Variants in EPB41L5 observed in about 807,000 individuals in gnomAD.
EPB41L5 encodes the protein erythrocyte membrane protein band 4.1 like 5.
In EPB41L5, 55 loss-of-function variants were observed where a neutral mutation model predicts 106.6. The ratio of observed to expected loss-of-function variants is 0.52; its 90% CI spans 0.42 to 0.65. EPB41L5 has a LOEUF of 0.65. EPB41L5 is among the 30% of genes least tolerant of loss of function. EPB41L5 has a pLI of 0.00. For missense variants in EPB41L5, 871 were observed against 882.1 expected (o/e 0.99, Z 0.16); for synonymous variants, 297 against 306.7 (o/e 0.97, Z 0.33).
intron 10 of EPB41L5, among the ~76,000 whole-genome samples, chr2:120,079,681 T>C (rs1682508110): frequency 6.6e-6 from 1 of 152,216 alleles, no homozygotes; most frequent in African/African-American, 2.4e-5. Context: ...TCTTTTTAGC[T>C]ATTTGTTTTT....
intron 1 of EPB41L5, among the ~76,000 whole-genome samples, chr2:120,017,243 C>G (rs1677585768): frequency 6.6e-6 from 1 of 152,164 alleles, no homozygotes; most frequent in South Asian, 2.1e-4. Flanking sequence ...TAGTAATGAC[C>G]TGTTGGCTTG....
chr2:120,161,548 T>A (rs1687141790), intron 21 of EPB41L5, among the ~76,000 whole-genome samples: 1 of 152,162 alleles, frequency 6.6e-6, no homozygotes. Flanking sequence ...CATTTCCTTT[T>A]AAGATACAGT....
rs866181295 is a variant in EPB41L5 at position 120,170,183 on chromosome 2, C to A, written c.2135+2176C>A. The stretch of plus-strand genomic sequence containing the variant: ...AAAGAGCAGTGAAAATTAATAACTA[C>A]AACTAAAATGTAGCAGTATAGATGA... On this transcript the variant is annotated intron_variant, in intron 24 of 24. Coordinates refer to ENST00000263713, the MANE Select transcript of EPB41L5 (RefSeq NM_020909.4). Among the ~76,000 whole-genome samples the A allele has an allele frequency of 2.4e-4, 37 of 152,288 alleles. No homozygotes were observed. The Middle Eastern group carries it at 0.01, about 42-fold the overall frequency.
chr2:120,147,996 T>C (rs754189476), intron 20 of EPB41L5, among the ~76,000 whole-genome samples: 45 of 152,186 alleles, frequency 3.0e-4, no homozygotes, highest in Non-Finnish European at 5.3e-4. Context: ...AACACTGTTC[T>C]GTTTTACTGT....
chr2:120,167,748 C>T (rs1353742033), intron 23 of EPB41L5, 129 bp from the exon 24 acceptor site: 5 of 1,234,312 alleles, frequency 4.1e-6, no homozygotes, highest in Non-Finnish European at 5.7e-6. Context: ...AAAAACAAAA[C>T]AAACAGTCAT....
At chr2:120,050,874 ACAGT>A (rs1295344591) in intron 3 of EPB41L5, among the ~76,000 whole-genome samples, 26 of 152,272 alleles carry the variant, frequency 1.7e-4, no homozygotes, top group African/African-American at 6.0e-4. Flanking sequence ...TTTCCTTCTA[ACAGT>A]CAGGTCCCTC....
chr2:120,103,387 ACTT>A (rs1299192858), intron 16 of EPB41L5, among the ~76,000 whole-genome samples: 3 of 152,112 alleles, frequency 2.0e-5, no homozygotes, highest in Admixed American at 1.3e-4. Flanking sequence ...TTACTAAACT[ACTT>A]CTTGGAGAGG....
intron 9 of EPB41L5, 85 bp from the exon 10 acceptor site, chr2:120,078,408 T>A: frequency 1.3e-6 from 1 of 756,978 alleles, no homozygotes. Flanking sequence ...TACAATTCAA[T>A]ACAAAAATAA....
chr2:120,104,024 C>CT (rs1684301061), intron 16 of EPB41L5: 2 of 1,491,290 alleles, frequency 1.3e-6, no homozygotes, highest in African/African-American at 1.4e-5. Context: ...TTCCTATTGA[C>CT]TAACTGTGCT....
chr2:120,034,131 A>G lies in EPB41L5; in HGVS notation c.181-7875A>G, dbSNP rs188771175. ...CATGTATCGTTTACTTCAGGAACCT[A>G]TAAATGTCTTGTGTTCACTATTGGT... On this transcript the variant is annotated intron_variant, in intron 2 of 24. Coordinates refer to ENST00000263713, the MANE Select transcript of EPB41L5 (RefSeq NM_020909.4). 3.3e-5 allele frequency among the ~76,000 whole-genome samples: 5 copies of G among 152,326 alleles called. 1 individual carries two copies. Among genetic ancestry groups the G allele is most frequent in the Admixed American group, 3.3e-4 (5 of 15,298 alleles).
intron 17 of EPB41L5, among the ~76,000 whole-genome samples, chr2:120,130,744 C>G (rs1218152950): frequency 2.0e-5 from 3 of 152,200 alleles, no homozygotes; most frequent in Non-Finnish European, 4.4e-5. Flanking sequence ...TGGGAATGAG[C>G]GTTTCTTGAA....
At chr2:120,048,824 G>C (rs1056570890) in intron 3 of EPB41L5, among the ~76,000 whole-genome samples, 1 of 151,320 alleles carries the variant, frequency 6.6e-6, no homozygotes, top group Admixed American at 6.6e-5. Context: ...ATAGCTCTGG[G>C]ACACTGCTTT....
At chr2:120,091,745 C>T (rs2105369454) in intron 13 of EPB41L5, 84 bp downstream of exon 13, 3 of 1,012,978 alleles carry the variant, frequency 3.0e-6, no homozygotes, top group East Asian at 5.2e-5. Context: ...AGGAAGTTAC[C>T]TGAATCTCCT....
intron 21 of EPB41L5, among the ~76,000 whole-genome samples, chr2:120,162,570 C>T: frequency 6.6e-6 from 1 of 152,184 alleles, no homozygotes; most frequent in East Asian, 1.9e-4. Flanking sequence ...TTCTTTTCTG[C>T]TGATGAAAAT....
chr2:120,118,447 A>G (rs1031077052), intron 16 of EPB41L5, among the ~76,000 whole-genome samples: 1 of 152,146 alleles, frequency 6.6e-6, no homozygotes, highest in Non-Finnish European at 1.5e-5. Context: ...TGCTGCACAG[A>G]TCATACCATC....
Position 120,094,868 on chromosome 2 carries a change from A to G in EPB41L5, c.1178+1592A>G, listed in dbSNP as rs116109169. Among the ~76,000 whole-genome samples, 1,118 of 151,978 alleles carry G rather than the reference A, an allele frequency of 7.4e-3. 11 individuals are homozygous for G. Among genetic ancestry groups the G allele is most frequent in the African/African-American group, 0.025 (1,023 of 41,456 alleles). ...TTGTATTTGTGAATGTCAAAATTTTATTTTTTTCTAATTTTATTCCATAAT... is the reference window on the plus strand; with the variant it reads ...TTGTATTTGTGAATGTCAAAATTTTGTTTTTTTCTAATTTTATTCCATAAT... On this transcript the variant is annotated intron_variant, in intron 14 of 24. Coordinates refer to ENST00000263713, the MANE Select transcript of EPB41L5 (RefSeq NM_020909.4).
intron 18 of EPB41L5, among the ~76,000 whole-genome samples, chr2:120,137,641 G>A (rs1685984886): frequency 6.6e-6 from 1 of 151,790 alleles, no homozygotes. Context: ...CAGCCTACCA[G>A]GACTGAACCA....
intron 2 of EPB41L5, among the ~76,000 whole-genome samples, chr2:120,027,645 T>C (rs1263768042): frequency 6.6e-6 from 1 of 152,136 alleles, no homozygotes; most frequent in East Asian, 1.9e-4. Flanking sequence ...GCTCAAGTGA[T>C]GCACCACTCA....
At chr2:120,163,325 C>T (rs1346644812) in intron 21 of EPB41L5, among the ~76,000 whole-genome samples, 2 of 141,448 alleles carry the variant, frequency 1.4e-5, no homozygotes, top group Non-Finnish European at 3.0e-5. Flanking sequence ...GTGTGCTATG[C>T]CCTAGGTTCC....
Sources: gnomAD v4.1 joint callset for allele counts (sites outside exome capture counted in the v4.1 genomes callset) on GRCh38, gnomAD v4.1.1 for gene constraint, MANE v1.5 for transcripts, NCBI Gene and HGNC (gene_info 2026-07-23, HGNC 2026-07-21) for gene names.